CFHR4: variants seen among roughly 807,000 people sequenced by gnomAD.
The protein encoded by CFHR4 is complement factor H-related protein 4.
In CFHR4, 64 loss-of-function variants were observed where a neutral mutation model predicts 69.3. The ratio of observed to expected loss-of-function variants is 0.92; its 90% CI spans 0.76 to 1.14. The LOEUF (loss-of-function observed/expected upper bound fraction) is 1.14, where lower values mean the gene tolerates loss of function less well. CFHR4 is among the 50% of genes most tolerant of loss of function. The pLI is 0.00. For synonymous variants in CFHR4, 244 were observed against 237.0 expected (o/e 1.03, Z -0.27); for missense variants, 636 against 684.9 (o/e 0.93, Z 0.80).
intron 3 of CFHR4, among the ~76,000 whole-genome samples, chr1:196,906,591 T>G (rs1657917398): frequency 6.6e-6 from 1 of 151,448 alleles, no homozygotes; most frequent in Non-Finnish European, 1.5e-5. Context: ...AATGAGGTGT[T>G]CACAAATAAA....
At position 196,907,309 on chromosome 1, in the gene CFHR4, T is replaced by C; in HGVS notation, c.617-7T>C. 6.2e-7 allele frequency: 1 copy of C among 1,607,190 alleles called. No individual in the cohort carries two copies. Among genetic ancestry groups the C allele is most frequent in the Non-Finnish European group, 8.5e-7 (1 of 1,174,746 alleles). On this transcript the variant is annotated splice_region_variant and splice_polypyrimidine_tract_variant and intron_variant, in intron 4 of 9. Transcript: ENST00000608469. ...ATTTTTCCCCAATGTAAAGTATTTT[T>C]TTTCAGATTCTTCAGAAAACTGTGG... is the stretch of plus-strand genomic sequence containing the variant.
At chr1:196,912,174 CT>C (rs1658309960) in intron 6 of CFHR4, among the ~76,000 whole-genome samples, 1 of 151,082 alleles carries the variant, frequency 6.6e-6, no homozygotes. Context: ...CTTATTTTTG[CT>C]ATCTTATTTG....
chr1:196,892,995 A>G (rs1238094562), intron 1 of CFHR4, among the ~76,000 whole-genome samples: 4 of 151,600 alleles, frequency 2.6e-5, no homozygotes, highest in African/African-American at 9.7e-5. Flanking sequence ...GGTGGTACTG[A>G]GAGGAACATC....
intron 2 of CFHR4, among the ~76,000 whole-genome samples, 160 bp downstream of exon 2, chr1:196,902,775 G>A (rs531491826): frequency 3.3e-4 from 50 of 151,556 alleles, no homozygotes; most frequent in South Asian, 2.7e-3. Flanking sequence ...TGAGATCTTC[G>A]TGAAAATTAC....
intron 1 of CFHR4, among the ~76,000 whole-genome samples, chr1:196,897,583 G>T (rs918191538): frequency 2.0e-5 from 3 of 151,492 alleles, no homozygotes; most frequent in African/African-American, 7.3e-5. Context: ...CGAAGTGGGG[G>T]ATGGAGTGGG....
intron 6 of CFHR4, among the ~76,000 whole-genome samples, chr1:196,912,447 A>G (rs979246674): frequency 6.6e-6 from 1 of 151,420 alleles, no homozygotes; most frequent in Non-Finnish European, 1.5e-5. Context: ...AAATATCATT[A>G]GGGACTTGAG....
At chr1:196,895,733 A>G (rs1178292857) in intron 1 of CFHR4, among the ~76,000 whole-genome samples, 1 of 151,406 alleles carries the variant, frequency 6.6e-6, no homozygotes. Context: ...AGTTTCTAAT[A>G]GACCTACCAT....
intron 2 of CFHR4, among the ~76,000 whole-genome samples, chr1:196,903,872 T>C (rs1657758069): frequency 1.3e-5 from 2 of 151,498 alleles, no homozygotes; most frequent in East Asian, 1.9e-4. Flanking sequence ...TTATATGACA[T>C]CTATTCTTAT....
chr1:196,914,664 A>T lies in CFHR4; in HGVS notation c.1350A>T (p.Thr450=), dbSNP rs1311658740. 1.3e-6 allele frequency: 2 copies of T among 1,595,472 alleles called. No homozygotes were observed. The highest frequency in any genetic ancestry group is 2.3e-5 in the South Asian group (2 of 86,130). ...CGEDGWSHFP[T]CYNSSEKCGP... is the part of the protein sequence containing the mutation. ...AAGATGGGTGGTCCCATTTCCCAAC[A>T]TGTTATAGTAAGTATTTTATTCAAG... The change falls in exon 8 of 10, where the codon ACA becomes ACT. Residue 450 remains threonine (T), a synonymous_variant. Coordinates refer to ENST00000608469, the MANE Select transcript of CFHR4 (RefSeq NM_001201550.3).
At chr1:196,888,459 T>C (rs1311183493) in intron 1 of CFHR4, among the ~76,000 whole-genome samples, 1 of 151,294 alleles carries the variant, frequency 6.6e-6, no homozygotes, top group Non-Finnish European at 1.5e-5. Context: ...CTAATATTCA[T>C]TATGGAGATA....
At chr1:196,904,341 C>T (rs991491755) in intron 2 of CFHR4, among the ~76,000 whole-genome samples, 2 of 151,592 alleles carry the variant, frequency 1.3e-5, no homozygotes, top group African/African-American at 2.4e-5. Context: ...CATGTATCAT[C>T]TTTAACATGA....
intron 6 of CFHR4, 73 bp from the exon 7 acceptor site, chr1:196,912,666 GT>G (rs1658340577): frequency 1.4e-6 from 2 of 1,423,544 alleles, no homozygotes; most frequent in African/African-American, 2.9e-5. Context: ...ATATTGCCAT[GT>G]TTTTACTTGT....
intron 1 of CFHR4, among the ~76,000 whole-genome samples, chr1:196,892,908 GA>G (rs1657107556): frequency 1.3e-5 from 2 of 151,388 alleles, no homozygotes; most frequent in Non-Finnish European, 2.9e-5. Context: ...ATCAGATGAG[GA>G]AACATTCAAC....
intron 4 of CFHR4, 62 bp downstream of exon 4, chr1:196,907,099 T>C: frequency 1.4e-6 from 2 of 1,420,612 alleles, no homozygotes; most frequent in South Asian, 1.2e-5. Flanking sequence ...CATACATATG[T>C]ATATGTACAC....
In CFHR4 at chr1:196,892,651, C is replaced by T. The variant is rs1009479002; in HGVS notation, c.58+4443C>T. Among the ~76,000 whole-genome samples, 36 of 151,270 alleles carry T rather than the reference C, an allele frequency of 2.4e-4. 3 individuals carry two copies. The highest frequency in any genetic ancestry group is 8.8e-4 in the African/African-American group (36 of 40,954). ...ATGTCTATATTGAAATTCATATATA[C>T]ATTTAAAGAATATTATTCTATACCA... On this transcript the variant is annotated intron_variant, in intron 1 of 9. Transcript: ENST00000608469.
chr1:196,895,088 C>G (rs1169736953), intron 1 of CFHR4, among the ~76,000 whole-genome samples: 3 of 150,964 alleles, frequency 2.0e-5, no homozygotes, highest in Non-Finnish European at 4.4e-5. Context: ...AAAAAGTTAG[C>G]CTGATATAGT....
At chr1:196,914,763 G>C in intron 8 of CFHR4, 92 bp downstream of exon 8, 1 of 1,377,366 alleles carries the variant, frequency 7.3e-7, no homozygotes, top group East Asian at 2.6e-5. Context: ...GTACATATAT[G>C]TACATATATA....
At chr1:196,901,397 G>A (rs1347937948) in intron 1 of CFHR4, among the ~76,000 whole-genome samples, 1 of 151,254 alleles carries the variant, frequency 6.6e-6, no homozygotes, top group Admixed American at 6.6e-5. Flanking sequence ...CACAAAACAA[G>A]ACTGTAGAAA....
chr1:196,903,166 T>G (rs951745735), intron 2 of CFHR4, among the ~76,000 whole-genome samples: 46 of 151,410 alleles, frequency 3.0e-4, no homozygotes, highest in African/African-American at 1.1e-3. Flanking sequence ...GAGATCCCAG[T>G]ATGTCCGTAA....
Sources: gnomAD v4.1 joint callset for allele counts (sites outside exome capture counted in the v4.1 genomes callset) on GRCh38, gnomAD v4.1.1 for gene constraint, MANE v1.5 for transcripts, NCBI Gene and HGNC (gene_info 2026-07-23, HGNC 2026-07-21) for gene names.